The following PXDNL variants were observed in gnomAD, a reference collection of about 807,000 sequenced individuals.
PXDNL encodes the protein probable oxidoreductase PXDNL.
A neutral mutation model predicts 150.8 loss-of-function variants in PXDNL; 145 were observed. The observed-to-expected ratio is 0.96, with a 90% confidence interval of 0.84 to 1.10. The LOEUF is 1.10. Among genes scored for constraint, PXDNL ranks in the 50% least tolerant of loss-of-function variants. The pLI is 0.00. For synonymous variants in PXDNL, 757 were observed against 725.7 expected, an observed-to-expected ratio of 1.04 and a Z score of -0.69; for missense variants, 2,087 against 1,873.9, an observed-to-expected ratio of 1.11 and a Z score of -2.10.
chr8:51,582,010 A>C (rs1270393907), intron 3 of PXDNL, among the ~76,000 whole-genome samples: 1 of 151,160 alleles, frequency 6.6e-6, no homozygotes, highest in Non-Finnish European at 1.5e-5. Flanking sequence ...GCAGGCTACA[A>C]AATGATATAA....
At chr8:51,536,095 C>T (rs530408484) in intron 4 of PXDNL, among the ~76,000 whole-genome samples, 5 of 152,290 alleles carry the variant, frequency 3.3e-5, no homozygotes, top group Admixed American at 3.3e-4. Flanking sequence ...CCCAGTCAGT[C>T]CACTCAGGGC....
chr8:51,610,061 G>C (rs911286675), intron 2 of PXDNL, among the ~76,000 whole-genome samples: 1 of 152,016 alleles, frequency 6.6e-6, no homozygotes. Flanking sequence ...CGCAGCTCTA[G>C]CAACCAGGAA....
chr8:51,763,433 C>G (rs1220109530), intron 1 of PXDNL, among the ~76,000 whole-genome samples: 1 of 152,050 alleles, frequency 6.6e-6, no homozygotes, highest in Admixed American at 6.6e-5. Flanking sequence ...ACACACTGTG[C>G]ATGCTCACCT....
intron 4 of PXDNL, among the ~76,000 whole-genome samples, chr8:51,515,297 G>C (rs1811512016): frequency 6.6e-6 from 1 of 152,118 alleles, no homozygotes; most frequent in African/African-American, 2.4e-5. Flanking sequence ...TAGGGTTCCA[G>C]GGGGCAGGTC....
At chr8:51,577,915 AAAG>A (rs1813094397) in intron 3 of PXDNL, among the ~76,000 whole-genome samples, 2 of 112,028 alleles carry the variant, frequency 1.8e-5, no homozygotes, top group South Asian at 3.1e-4. Flanking sequence ...AAGAGAAAGA[AAAG>A]AAAGAAAAGA....
intron 18 of PXDNL, among the ~76,000 whole-genome samples, chr8:51,374,358 C>G (rs1807232334): frequency 6.6e-6 from 1 of 152,202 alleles, no homozygotes; most frequent in East Asian, 1.9e-4. Flanking sequence ...CTCTCAATCG[C>G]CAACTTCTAT....
chr8:51,625,801 A>C (rs1158169260), intron 2 of PXDNL, among the ~76,000 whole-genome samples: 1 of 152,210 alleles, frequency 6.6e-6, no homozygotes, highest in Non-Finnish European at 1.5e-5. Flanking sequence ...TCTCTCTTTA[A>C]AATATTTATT....
At chr8:51,465,188 C>G (rs1317252496) in intron 8 of PXDNL, among the ~76,000 whole-genome samples, 1 of 152,086 alleles carries the variant, frequency 6.6e-6, no homozygotes, top group African/African-American at 2.4e-5. Context: ...AGCAGTACAT[C>G]AGAAAGTTGA....
At position 51,647,375 on chromosome 8, in the gene PXDNL, T is replaced by G. The variant is rs996800326; in HGVS notation, c.236+7314A>C. 5.3e-5 allele frequency among the ~76,000 whole-genome samples: 8 copies of G among 152,288 alleles called. No individual in the cohort carries two copies. In the East Asian group the frequency reaches 1.4e-3, roughly 26 times the overall value. ...AGGGGGAAATGAAGGTGAAGAGAACTTCTCAGAGAAGGTGAGTGATGGTAA... is the reference window on the plus strand; with the variant it reads ...AGGGGGAAATGAAGGTGAAGAGAACGTCTCAGAGAAGGTGAGTGATGGTAA... On this transcript the variant is annotated intron_variant, in intron 2 of 22. Coordinates refer to ENST00000356297, the MANE Select transcript of PXDNL (RefSeq NM_144651.5).
At chr8:51,360,677 C>CTGTA (rs1806705877) in intron 19 of PXDNL, among the ~76,000 whole-genome samples, 1 of 152,244 alleles carries the variant, frequency 6.6e-6, no homozygotes, top group Admixed American at 6.5e-5. Context: ...ACATAGTGAA[C>CTGTA]TGTAACCTAA....
At chr8:51,423,016 T>A (rs185256415) in intron 14 of PXDNL, among the ~76,000 whole-genome samples, 1 of 152,354 alleles carries the variant, frequency 6.6e-6, no homozygotes, top group Admixed American at 6.5e-5. Context: ...TTTTAAACAG[T>A]CATTATATAT....
intron 2 of PXDNL, among the ~76,000 whole-genome samples, chr8:51,643,941 G>A (rs1356482935): frequency 6.6e-6 from 1 of 151,882 alleles, no homozygotes; most frequent in Non-Finnish European, 1.5e-5. Flanking sequence ...GTGAAAAAAT[G>A]CTCATCATCA....
At position 51,455,213 on chromosome 8, in the gene PXDNL, G is replaced by A. The variant is rs1057245099; in HGVS notation, c.983-1428C>T. Among the ~76,000 whole-genome samples, 5 of 151,778 alleles carry A rather than the reference G, an allele frequency of 3.3e-5. 1 individual carries two copies. Among genetic ancestry groups the A allele is most frequent in the African/African-American group, 1.2e-4 (5 of 41,376 alleles). ...AGGTAAGTCAGTGGCAGTAGAACTG[G>A]AAAAGGAGATAATCTGATGCATGCA... is the stretch of plus-strand genomic sequence containing the variant. On this transcript the variant is annotated intron_variant, in intron 9 of 22. Coordinates refer to ENST00000356297, the MANE Select transcript of PXDNL (RefSeq NM_144651.5).
chr8:51,409,376 C>T lies in PXDNL; in HGVS notation c.2248G>A (p.Ala750Thr). ...CGGTAGGCTGGCTGCAGCAGGCGCG[C>T]GAAGGCGGTCAGCGCCGCGCCCCAC... ...PTWGAALTAF[A>T]RLLQPAYRDG... is the part of the protein sequence containing the mutation. Residue 750 changes from alanine (A) to threonine (T), a missense_variant, in exon 17 of 23, where the codon GCG (alanine) becomes ACG (threonine). Transcript: ENST00000356297. 1 of 1,579,876 alleles carries T rather than the reference C, an allele frequency of 6.3e-7. No individual in the cohort carries two copies. Among genetic ancestry groups the T allele is most frequent in the East Asian group, 2.4e-5 (1 of 41,652 alleles).
intron 8 of PXDNL, among the ~76,000 whole-genome samples, chr8:51,466,143 A>G (rs894045390): frequency 6.6e-6 from 1 of 152,050 alleles, no homozygotes; most frequent in Non-Finnish European, 1.5e-5. Context: ...ATTATCCAAC[A>G]TCAAACTATT....
chr8:51,590,133 C>A (rs928126715), intron 3 of PXDNL, among the ~76,000 whole-genome samples: 1 of 152,096 alleles, frequency 6.6e-6, no homozygotes, highest in Non-Finnish European at 1.5e-5. Flanking sequence ...CTCAGCCAAC[C>A]CCACCTATAG....
intron 2 of PXDNL, among the ~76,000 whole-genome samples, chr8:51,646,376 C>T (rs1243009620): frequency 6.6e-6 from 1 of 152,158 alleles, no homozygotes; most frequent in African/African-American, 2.4e-5. Context: ...GTTTTTAAAG[C>T]CACCTGGTCT....
intron 5 of PXDNL, among the ~76,000 whole-genome samples, chr8:51,487,869 C>T (rs1810801289): frequency 6.6e-6 from 1 of 152,176 alleles, no homozygotes; most frequent in African/African-American, 2.4e-5. Flanking sequence ...GAATGTAACA[C>T]AAAGGCGCTT....
chr8:51,465,958 A>G (rs1245683250), intron 8 of PXDNL, among the ~76,000 whole-genome samples: 1 of 152,174 alleles, frequency 6.6e-6, no homozygotes, highest in Admixed American at 6.5e-5. Flanking sequence ...TATTGTTCAA[A>G]TGGCCATACT....
Sources: gnomAD v4.1 joint callset for allele counts (sites outside exome capture counted in the v4.1 genomes callset) on GRCh38, gnomAD v4.1.1 for gene constraint, MANE v1.5 for transcripts, NCBI Gene and HGNC (gene_info 2026-07-23, HGNC 2026-07-21) for gene names.